The following TIAM1 variants were observed in gnomAD, a reference collection of about 807,000 sequenced individuals.
TIAM1 encodes the protein rho guanine nucleotide exchange factor TIAM1.
A neutral mutation model predicts 163.5 loss-of-function variants in TIAM1; 65 were observed. The observed-to-expected ratio is 0.40, with a 90% CI of 0.33 to 0.49. TIAM1 has a LOEUF of 0.49. TIAM1 is among the 20% of genes least tolerant of loss of function. The pLI, the probability that TIAM1 is intolerant of heterozygous loss-of-function variation, is 0.77. For missense variants in TIAM1, 1,789 were observed against 2,044.7 expected, an observed-to-expected ratio of 0.87 and a Z score of 2.41; for synonymous variants, 833 against 810.1, an observed-to-expected ratio of 1.03 and a Z score of -0.48.
At chr21:31,224,895 T>C (rs1047045852) in intron 7 of TIAM1, among the ~76,000 whole-genome samples, 11 of 152,340 alleles carry the variant, frequency 7.2e-5, no homozygotes, top group African/African-American at 2.4e-4. Flanking sequence ...GACAGCTGAA[T>C]AGCAGGCAAA....
In TIAM1 at chr21:31,223,632, T is replaced by C. The variant is rs532771517; in HGVS notation, c.1810-41A>G. The C allele has an allele frequency of 3.9e-6, 6 of 1,557,232 alleles. No homozygotes were observed. In the Admixed American group the frequency reaches 7.8e-5, roughly 20 times the overall value. ...CACGGGAAAAGAAAAAGTGAGAAAATGGGAAACAAATGCTAATATCTTTAT... is the reference window on the plus strand; with the variant it reads ...CACGGGAAAAGAAAAAGTGAGAAAACGGGAAACAAATGCTAATATCTTTAT... On this transcript the variant is annotated intron_variant, in intron 7 of 27. Transcript: ENST00000541036.
chr21:31,172,365 G>A (rs993812089), intron 15 of TIAM1, among the ~76,000 whole-genome samples: 3 of 152,006 alleles, frequency 2.0e-5, no homozygotes, highest in Non-Finnish European at 4.4e-5. Flanking sequence ...CTTCCCCTGT[G>A]CTACTCACAA....
chr21:31,322,184 A>G (rs1011425473), intron 2 of TIAM1, among the ~76,000 whole-genome samples: 11 of 152,338 alleles, frequency 7.2e-5, no homozygotes, highest in South Asian at 4.1e-4. Context: ...TAGTGTTCCT[A>G]TAATGAATAT....
At chr21:31,219,580 G>C (rs960204470) in intron 8 of TIAM1, among the ~76,000 whole-genome samples, 2 of 152,184 alleles carry the variant, frequency 1.3e-5, no homozygotes, top group Non-Finnish European at 2.9e-5. Flanking sequence ...GAAGCCCCAC[G>C]GGTGGCAGGG....
intron 1 of TIAM1, among the ~76,000 whole-genome samples, chr21:31,517,131 T>C (rs2047412041): frequency 6.6e-6 from 1 of 151,728 alleles, no homozygotes; most frequent in South Asian, 2.1e-4. Context: ...CCAAGCACTA[T>C]GTCAGGGTCT....
At chr21:31,342,902 C>T (rs142977543) in intron 1 of TIAM1, among the ~76,000 whole-genome samples, 1 of 152,266 alleles carries the variant, frequency 6.6e-6, no homozygotes, top group Non-Finnish European at 1.5e-5. Context: ...CAGCAACCTG[C>T]CTCCCGACCC....
intron 15 of TIAM1, 86 bp downstream of exon 15, chr21:31,182,335 C>T (rs972595380): frequency 8.3e-7 from 1 of 1,203,374 alleles, no homozygotes; most frequent in African/African-American, 1.5e-5. Context: ...GAGGCACTCA[C>T]TGAAACACAC....
Position 31,239,277 on chromosome 21 carries a change from C to A in TIAM1, c.1584+6211G>T, listed in dbSNP as rs1234302765. ...AGCTGGGACTACAGGTACATGCCAT[C>A]GTGTCCAGCTAATTTTTTTTATTTT... On this transcript the variant is annotated intron_variant, in intron 6 of 27. Coordinates refer to ENST00000541036, the MANE Select transcript of TIAM1 (RefSeq NM_001353694.2). 2.6e-5 allele frequency among the ~76,000 whole-genome samples: 4 copies of A among 152,060 alleles called. No homozygotes were observed. In the South Asian group the frequency reaches 8.3e-4, roughly 32 times the overall value.
At chr21:31,383,880 G>C in intron 2 of TIAM1, among the ~76,000 whole-genome samples, 1 of 152,174 alleles carries the variant, frequency 6.6e-6, no homozygotes, top group East Asian at 1.9e-4. Flanking sequence ...AACGGAAAAT[G>C]AAACGATGTT....
intron 2 of TIAM1, among the ~76,000 whole-genome samples, chr21:31,370,135 TG>T (rs1569272563): frequency 6.6e-6 from 1 of 152,140 alleles, no homozygotes; most frequent in Non-Finnish European, 1.5e-5. Flanking sequence ...CCAAGAACCA[TG>T]AGAAATAAAT....
intron 27 of TIAM1, among the ~76,000 whole-genome samples, chr21:31,123,613 C>T (rs2082078764): frequency 6.6e-6 from 1 of 152,166 alleles, no homozygotes; most frequent in South Asian, 2.1e-4. Context: ...AGCATTCACA[C>T]TTCTGTCCAT....
chr21:31,515,269 G>C (rs957297893), intron 1 of TIAM1, among the ~76,000 whole-genome samples: 1 of 152,074 alleles, frequency 6.6e-6, no homozygotes, highest in Non-Finnish European at 1.5e-5. Flanking sequence ...CCATCTTCTA[G>C]GTTGAGTTAG....
intron 1 of TIAM1, among the ~76,000 whole-genome samples, chr21:31,466,598 C>T (rs2045541403): frequency 6.6e-6 from 1 of 152,104 alleles, no homozygotes; most frequent in Admixed American, 6.6e-5. Context: ...GAACAGAGGT[C>T]CTGATACCTC....
intron 1 of TIAM1, among the ~76,000 whole-genome samples, chr21:31,503,463 GAGGA>G (rs1327951865): frequency 3.8e-4 from 26 of 68,066 alleles, no homozygotes; most frequent in Non-Finnish European, 7.0e-4. Flanking sequence ...GGAAGGGAGG[GAGGA>G]AGGGAGGGAG....
intron 16 of TIAM1, among the ~76,000 whole-genome samples, chr21:31,163,429 A>G (rs2833316): frequency 0.049 from 7,456 of 152,242 alleles, 591 homozygotes; most frequent in African/African-American, 0.17. Context: ...TGCATTTCCA[A>G]TGATCTGCTT....
At chr21:31,154,818 T>C (rs1316237891) in intron 16 of TIAM1, among the ~76,000 whole-genome samples, 1 of 152,126 alleles carries the variant, frequency 6.6e-6, no homozygotes, top group Non-Finnish European at 1.5e-5. Flanking sequence ...AAGCAAGAAG[T>C]CGATAAATCA....
intron 15 of TIAM1, among the ~76,000 whole-genome samples, chr21:31,165,593 T>C (rs1009658687): frequency 1.3e-5 from 2 of 152,058 alleles, no homozygotes; most frequent in African/African-American, 4.8e-5. Context: ...TCTAAAACCA[T>C]GAGAAATAAA....
intron 6 of TIAM1, among the ~76,000 whole-genome samples, chr21:31,238,180 C>T (rs924914499): frequency 2.0e-5 from 3 of 152,198 alleles, no homozygotes; most frequent in African/African-American, 7.2e-5. Flanking sequence ...GCTGGAATAA[C>T]CTACACATTA....
intron 2 of TIAM1, among the ~76,000 whole-genome samples, chr21:31,380,311 AGGTG>A (rs1180191534): frequency 6.6e-6 from 1 of 152,148 alleles, no homozygotes; most frequent in Non-Finnish European, 1.5e-5. Context: ...TGGGAGGCCG[AGGTG>A]GGTGGATCAC....
Sources: gnomAD v4.1 joint callset for allele counts (sites outside exome capture counted in the v4.1 genomes callset) on GRCh38, gnomAD v4.1.1 for gene constraint, MANE v1.5 for transcripts, NCBI Gene and HGNC (gene_info 2026-07-23, HGNC 2026-07-21) for gene names.